Variants in KPNA6 observed in about 807,000 individuals in gnomAD.
KPNA6 encodes importin subunit alpha-7.
In KPNA6, 9 loss-of-function variants were observed where a neutral mutation model predicts 72.0. The observed-to-expected ratio is 0.13, with a 90% CI of 0.08 to 0.22. The LOEUF (loss-of-function observed/expected upper bound fraction) is 0.22, where lower values mean the gene tolerates loss of function less well. KPNA6 is among the 10% of genes least tolerant of loss of function. The pLI, the probability that KPNA6 is intolerant of heterozygous loss-of-function variation, is 1.00. For synonymous variants in KPNA6, 219 were observed against 242.1 expected, an observed-to-expected ratio of 0.90 and a Z score of 0.89; for missense variants, 374 against 655.7, an observed-to-expected ratio of 0.57 and a Z score of 4.69.
rs752043851 is a variant in KPNA6 at position 32,162,068 on chromosome 1, C to G, written c.747+22C>G. On this transcript the variant is annotated intron_variant, in intron 8 of 13. Coordinates refer to ENST00000373625, the MANE Select transcript of KPNA6 (RefSeq NM_012316.5). ...AAAGGTGAGAGAGCTACTTACTAGA[C>G]CCTGAGTGACATCAGGTTCCTTCAT... 3.1e-5 allele frequency: 49 copies of G among 1,568,774 alleles called. No individual in the cohort carries two copies. In the Admixed American group the frequency reaches 8.1e-4, roughly 26 times the overall value.
In KPNA6 at chr1:32,116,512, G is replaced by A. The variant is rs901581154; in HGVS notation, c.4+8378G>A. 2.6e-5 allele frequency among the ~76,000 whole-genome samples: 4 copies of A among 152,038 alleles called. 1 individual carries two copies. Among genetic ancestry groups the A allele is most frequent in the African/African-American group, 9.7e-5 (4 of 41,386 alleles). On this transcript the variant is annotated intron_variant, in intron 1 of 13. Transcript: ENST00000373625. ...TGTCTCTACTAAAAATACAAAATTA[G>A]CCGGGTGTGGTGGCACATGCCTGCA...
intron 2 of KPNA6, among the ~76,000 whole-genome samples, chr1:32,155,084 T>TG (rs1386706181): frequency 8.5e-6 from 1 of 117,278 alleles, no homozygotes; most frequent in Non-Finnish European, 1.6e-5. Context: ...CACTCCAGCC[T>TG]GGGCAACAAG....
intron 2 of KPNA6, among the ~76,000 whole-genome samples, chr1:32,155,895 C>G (rs1006755803): frequency 6.7e-6 from 1 of 150,274 alleles, no homozygotes; most frequent in African/African-American, 2.4e-5. Context: ...TGTACCACCA[C>G]GCCCGGCTAA....
At chr1:32,118,997 CATATATATATATATATATATATATAT>C (rs71578197) in intron 1 of KPNA6, among the ~76,000 whole-genome samples, 5 of 59,800 alleles carry the variant, frequency 8.4e-5, no homozygotes, top group East Asian at 5.5e-4. Flanking sequence ...TGTGTGTATA[CATATATATATATATATATATATATAT>C]ATATATATAT....
Position 32,160,616 on chromosome 1 carries a change from C to A in KPNA6, c.560C>A (p.Ala187Glu). Residue 187 changes from alanine (A) to glutamate (E), a missense_variant and splice_region_variant, in exon 7 of 14, where the codon GCA becomes GAA. Ala to Glu is a moderately radical substitution (Grantham distance 107). This residue lies in a region of KPNA6 where 298 missense variants were observed against 495.4 expected (regional missense o/e 0.60). Coordinates refer to ENST00000373625, the MANE Select transcript of KPNA6 (RefSeq NM_012316.5). ...NSDFEDVQEQ[A>E]VWALGNIAGD... ...ACAGTTTCATTATCCCCTTTTCAGG[C>A]AGTCTGGGCACTGGGAAACATAGCT... 1 of 1,613,208 alleles carries A rather than the reference C, an allele frequency of 6.2e-7. No individual in the cohort carries two copies. Among genetic ancestry groups the A allele is most frequent in the Non-Finnish European group, 8.5e-7 (1 of 1,179,198 alleles).
At position 32,154,954 on chromosome 1, in the gene KPNA6, T is replaced by C. The variant is rs527286480; in HGVS notation, c.138+233T>C. ...GAAACTTCATTTTCTCTACTAAAAA[T>C]ACAGAAATTAGCCGGACGTGGTGGC... On this transcript the variant is annotated intron_variant, in intron 2 of 13. Coordinates refer to ENST00000373625, the MANE Select transcript of KPNA6 (RefSeq NM_012316.5). 2.0e-5 allele frequency among the ~76,000 whole-genome samples: 3 copies of C among 151,982 alleles called. No homozygotes were observed. In the East Asian group the frequency reaches 5.8e-4, roughly 30 times the overall value.
chr1:32,158,415 T>C, intron 5 of KPNA6, 54 bp downstream of exon 5: 5 of 1,038,748 alleles, frequency 4.8e-6, no homozygotes, highest in Non-Finnish European at 6.0e-6. Context: ...GGGGGATACA[T>C]AGTAGGTATA....
At chr1:32,130,985 A>G (rs1371521303) in intron 1 of KPNA6, among the ~76,000 whole-genome samples, 1 of 152,144 alleles carries the variant, frequency 6.6e-6, no homozygotes, top group Non-Finnish European at 1.5e-5. Context: ...AACTAAAACC[A>G]TAAAATTACT....
rs1284748329 is a variant in KPNA6 at position 32,169,117 on chromosome 1, A to G, written c.1245-765A>G. ...AGCAGTGGCTCACACCTGTAATCCC[A>G]GCACTTTGGGGAGGTCAAGGTGGGA... On this transcript the variant is annotated intron_variant, in intron 12 of 13. Coordinates refer to ENST00000373625, the MANE Select transcript of KPNA6 (RefSeq NM_012316.5). Among the ~76,000 whole-genome samples, 23 of 148,178 alleles carry G rather than the reference A, an allele frequency of 1.6e-4. 1 individual carries two copies. The South Asian group carries it at 5.2e-3, about 33-fold the overall frequency.
chr1:32,146,191 T>G (rs58613450), intron 1 of KPNA6, among the ~76,000 whole-genome samples: 4,015 of 152,302 alleles, frequency 0.026, 179 homozygotes, highest in African/African-American at 0.091. Context: ...TTGAACGTGG[T>G]TCATTAAAAG....
chr1:32,132,005 C>G (rs931428028), intron 1 of KPNA6, among the ~76,000 whole-genome samples: 1 of 151,460 alleles, frequency 6.6e-6, no homozygotes, highest in Non-Finnish European at 1.5e-5. Flanking sequence ...GAGTCTTGCT[C>G]TGTTGCCCAG....
At chr1:32,111,506 T>C (rs1359576866) in intron 1 of KPNA6, among the ~76,000 whole-genome samples, 1 of 152,228 alleles carries the variant, frequency 6.6e-6, no homozygotes, top group Non-Finnish European at 1.5e-5. Context: ...GAATGTCAGC[T>C]TTTTGTTTGT....
chr1:32,143,032 G>C (rs945913759), intron 1 of KPNA6: 1 of 1,273,504 alleles, frequency 7.9e-7, no homozygotes, highest in Non-Finnish European at 1.0e-6. Context: ...CAGGTAATAG[G>C]GGACAGCAGT....
chr1:32,170,662 A>G lies in KPNA6; in HGVS notation c.1424-45A>G, dbSNP rs201491169. 7 of 1,547,824 alleles carry G rather than the reference A, an allele frequency of 4.5e-6. No individual in the cohort carries two copies. The East Asian group carries it at 1.6e-4, about 35-fold the overall frequency. On this transcript the variant is annotated intron_variant, in intron 13 of 13. Transcript: ENST00000373625. ...ATAGGTAAATGTTTCACCTGCCCATAGAAAAGCACTCACACTTCCCTCTCC... is the reference window on the plus strand; with the variant it reads ...ATAGGTAAATGTTTCACCTGCCCATGGAAAAGCACTCACACTTCCCTCTCC...
Position 32,158,318 on chromosome 1 carries a change from G to A in KPNA6, c.383G>A (p.Arg128Gln), listed in dbSNP as rs1369155840. 1.5e-5 allele frequency: 24 copies of A among 1,613,486 alleles called. 1 individual carries two copies. The highest frequency in any genetic ancestry group is 5.9e-6 in the Non-Finnish European group (7 of 1,179,536). Reference protein sequence around the residue: ...EVINTPRVVDRFVEFLKRNEN... With the variant: ...EVINTPRVVDQFVEFLKRNEN... ...ATCAACACTCCAAGAGTGGTGGATC[G>A]GTTCGTGGAGTTTCTGAAGAGGAAT... is the stretch of plus-strand genomic sequence containing the variant. The change falls in exon 5 of 14, where the codon CGG (arginine) becomes CAG (glutamine). Residue 128 changes from arginine to glutamine, a missense_variant. This residue lies in a region of KPNA6 where 298 missense variants were observed against 495.4 expected (regional missense o/e 0.60). Transcript: ENST00000373625.
At chr1:32,154,073 G>A (rs1456366897) in intron 1 of KPNA6, among the ~76,000 whole-genome samples, 2 of 152,052 alleles carry the variant, frequency 1.3e-5, no homozygotes, top group African/African-American at 4.8e-5. Context: ...CGTGAGCCCA[G>A]GAGGCAGAGG....
chr1:32,153,645 T>C (rs1354041864), intron 1 of KPNA6, among the ~76,000 whole-genome samples: 1 of 149,890 alleles, frequency 6.7e-6, no homozygotes, highest in Non-Finnish European at 1.5e-5. Context: ...AGGGGAAACA[T>C]ATAGCTAATA....
intron 1 of KPNA6, among the ~76,000 whole-genome samples, chr1:32,135,412 G>A (rs1391582594): frequency 2.6e-5 from 4 of 151,976 alleles, no homozygotes; most frequent in African/African-American, 9.7e-5. Context: ...TGGCCAGGCT[G>A]GTCTCAAACT....
chr1:32,113,792 C>A (rs1283823117), intron 1 of KPNA6, among the ~76,000 whole-genome samples: 1 of 152,144 alleles, frequency 6.6e-6, no homozygotes, highest in Non-Finnish European at 1.5e-5. Flanking sequence ...GATTCCATCT[C>A]AAGAAACCAT....
Sources: gnomAD v4.1 joint callset for allele counts (sites outside exome capture counted in the v4.1 genomes callset) on GRCh38, gnomAD v4.1.1 for gene constraint, gnomAD v4.1.1 regional missense constraint, MANE v1.5 for transcripts, NCBI Gene and HGNC (gene_info 2026-07-23, HGNC 2026-07-21) for gene names.